IRAG2: variants seen among roughly 807,000 people sequenced by gnomAD.
The protein encoded by IRAG2 is inositol 1,4,5-triphosphate receptor associated 2, also known as lymphoid restricted membrane protein.
In IRAG2, 45 loss-of-function variants were observed where a neutral mutation model predicts 69.9. That is an observed-to-expected ratio of 0.64 (90% CI 0.51 to 0.83). The LOEUF (loss-of-function observed/expected upper bound fraction) is 0.83. Among genes scored for constraint, IRAG2 ranks in the 40% least tolerant of loss-of-function variants. IRAG2 has a pLI of 0.00. For synonymous variants in IRAG2, 193 were observed against 202.4 expected (o/e 0.95, Z 0.40); for missense variants, 520 against 587.0 (o/e 0.89, Z 1.18).
At chr12:25,025,532 CACTT>C (rs757077111) in intron 8 of IRAG2, among the ~76,000 whole-genome samples, 19 of 152,006 alleles carry the variant, frequency 1.2e-4, no homozygotes, top group Non-Finnish European at 2.6e-4. Context: ...ACAAAAAAAA[CACTT>C]GAGTGAGATG....
rs569136828 is a variant in IRAG2, at chr12:25,104,406, T to A, written c.1092T>A (p.Pro364=). The A allele has an allele frequency of 6.2e-7, 1 of 1,613,646 alleles. No individual in the cohort carries two copies. The highest frequency in any genetic ancestry group is 8.5e-7 in the Non-Finnish European group (1 of 1,179,614). Residue 364 remains proline (P), a synonymous_variant, in exon 20 of 22, where the codon CCT becomes CCA. Coordinates refer to ENST00000556887, the MANE Select transcript of IRAG2 (RefSeq NM_001366544.2). ...SKQSEHRPSL[P]RFISTYSWAD... is the part of the protein sequence containing the mutation. ...AGAGTGAACACCGTCCCTCATTACC[T>A]CGATTTATTAGCACCTATTCCTGGG...
At chr12:25,082,602 A>AG (rs1947295608) in intron 9 of IRAG2, among the ~76,000 whole-genome samples, 1 of 68,832 alleles carries the variant, frequency 1.5e-5, no homozygotes, top group Non-Finnish European at 3.8e-5. Context: ...CCTGTCTCAA[A>AG]AAAAAAACAA....
At chr12:25,090,401 C>T (rs1947957061) in intron 14 of IRAG2, among the ~76,000 whole-genome samples, 1 of 149,212 alleles carries the variant, frequency 6.7e-6, no homozygotes, top group South Asian at 2.1e-4. Context: ...AAAAATCAGC[C>T]AGGTGTGATG....
intron 3 of IRAG2, among the ~76,000 whole-genome samples, chr12:25,012,556 G>A (rs747690919): frequency 2.0e-5 from 3 of 152,026 alleles, no homozygotes; most frequent in Non-Finnish European, 2.9e-5. Flanking sequence ...GACAGGGCGC[G>A]ATGGCTCACA....
At chr12:25,079,193 A>G (rs1474600886) in intron 6 of IRAG2, 51 bp from the exon 7 acceptor site, 2 of 1,588,874 alleles carry the variant, frequency 1.3e-6, no homozygotes, top group African/African-American at 2.7e-5. Flanking sequence ...ACCTCTTTGG[A>G]ATGGAAAATG....
chr12:25,053,427 A>G (rs1039926583), intron 1 of IRAG2, among the ~76,000 whole-genome samples: 1 of 152,176 alleles, frequency 6.6e-6, no homozygotes, highest in Non-Finnish European at 1.5e-5. Flanking sequence ...GTGTATATCA[A>G]AATATCAAAT....
At chr12:25,057,848 C>T (rs1367979903) in intron 1 of IRAG2, among the ~76,000 whole-genome samples, 1 of 152,152 alleles carries the variant, frequency 6.6e-6, no homozygotes, top group East Asian at 1.9e-4. Context: ...TGTTCTAGAA[C>T]TCAGTTACAC....
At chr12:25,050,692 C>A (rs578162792), upstream of IRAG2, among the ~76,000 whole-genome samples, 1 of 152,122 alleles carries the variant, frequency 6.6e-6, no homozygotes, top group South Asian at 2.1e-4. Context: ...ATATTCACTG[C>A]GGCATTATTC....
intron 1 of IRAG2, among the ~76,000 whole-genome samples, chr12:25,054,442 C>T (rs1000549627): frequency 5.3e-5 from 8 of 152,252 alleles, no homozygotes; most frequent in African/African-American, 1.7e-4. Context: ...ATTTGTTCCC[C>T]TTCCTCACTG....
rs1565563447 is a variant in IRAG2, at chr12:25,077,341, A to ATATATATGATATATATATGAT, written c.25-1903_25-1902insTATATATGATATATATATGAT. On this transcript the variant is annotated intron_variant, in intron 6 of 21. Transcript: ENST00000556887. The stretch of plus-strand genomic sequence containing the variant: ...TGATATATATATGATATATATATGA[A>ATATATATGATATATATATGAT]ATATATATATGATATATATGATATA... Among the ~76,000 whole-genome samples the ATATATATGATATATATATGAT allele has an allele frequency of 1.4e-4, 8 of 55,320 alleles. 3 individuals are homozygous for ATATATATGATATATATATGAT. The highest frequency in any genetic ancestry group is 2.5e-4 in the African/African-American group (3 of 11,776). The allele number at this position is 55,320 out of a possible 152,430, so 36.3% of individuals were successfully genotyped here. A position where few individuals can be genotyped will look rare whatever the true frequency, so the allele number is the denominator to read the frequency against.
chr12:25,015,670 C>T (rs1944521883), intron 5 of IRAG2, among the ~76,000 whole-genome samples: 1 of 152,226 alleles, frequency 6.6e-6, no homozygotes, highest in South Asian at 2.1e-4. Flanking sequence ...TGAAACCCTT[C>T]TCCCTCATTA....
At chr12:25,067,373 C>T (rs1000551571) in intron 5 of IRAG2, among the ~76,000 whole-genome samples, 8 of 152,132 alleles carry the variant, frequency 5.3e-5, no homozygotes, top group South Asian at 4.1e-4. Flanking sequence ...CTTCTCCAGC[C>T]GACATGAAAT....
intron 3 of IRAG2, among the ~76,000 whole-genome samples, chr12:25,063,443 A>C (rs545914750): frequency 6.6e-6 from 1 of 152,344 alleles, no homozygotes; most frequent in South Asian, 2.1e-4. Context: ...CTTTGTTTAC[A>C]TCAAAGTGTC....
chr12:25,081,953 G>A (rs1947245520), intron 9 of IRAG2, among the ~76,000 whole-genome samples: 2 of 152,122 alleles, frequency 1.3e-5, no homozygotes, highest in African/African-American at 4.8e-5. Context: ...GGAGTGCAGT[G>A]TTACAATCAT....
At chr12:25,012,249 G>A (rs1266297809) in intron 3 of IRAG2, among the ~76,000 whole-genome samples, 1 of 149,984 alleles carries the variant, frequency 6.7e-6, no homozygotes, top group African/African-American at 2.5e-5. Context: ...CTGCCTCCCG[G>A]GTTCAAGCAA....
intron 16 of IRAG2, among the ~76,000 whole-genome samples, chr12:25,045,528 A>G (rs1418713254): frequency 6.6e-6 from 1 of 152,102 alleles, no homozygotes; most frequent in Non-Finnish European, 1.5e-5. Flanking sequence ...AAAATCAGAA[A>G]TGAAGGAGAT....
intron 15 of IRAG2, among the ~76,000 whole-genome samples, chr12:25,100,316 C>T (rs1948684659): frequency 6.6e-6 from 1 of 152,012 alleles, no homozygotes; most frequent in Non-Finnish European, 1.5e-5. Context: ...GGTCCAGCCA[C>T]CGTGGAAAAC....
chr12:25,081,327 G>A (rs1947196770), intron 9 of IRAG2, among the ~76,000 whole-genome samples: 1 of 152,202 alleles, frequency 6.6e-6, no homozygotes, highest in Admixed American at 6.5e-5. Context: ...AGCCAGGCGT[G>A]GTGGCGGGCA....
At chr12:25,061,812 T>C (rs1945652940) in intron 2 of IRAG2, among the ~76,000 whole-genome samples, 159 bp downstream of exon 2, 1 of 152,202 alleles carries the variant, frequency 6.6e-6, no homozygotes, top group African/African-American at 2.4e-5. Flanking sequence ...CTTCTGCACT[T>C]AAAGTATTTA....
Sources: gnomAD v4.1 joint callset for allele counts (sites outside exome capture counted in the v4.1 genomes callset) on GRCh38, gnomAD v4.1.1 for gene constraint, MANE v1.5 for transcripts, NCBI Gene and HGNC (gene_info 2026-07-23, HGNC 2026-07-21) for gene names.